Variants in CFAP90 observed in about 807,000 individuals in gnomAD.
CFAP90 encodes cilia- and flagella-associated protein 90.
the CFAP90 span, among the ~76,000 whole-genome samples, chr5:7,833,948 A>G: frequency 0.21 from 32,595 of 152,162 alleles, 3,716 homozygotes; most frequent in Middle Eastern, 0.28. Context: ...TATAAAACAT[A>G]GTACATACAA....
the CFAP90 span, chr5:7,835,646 G>A: frequency 5.2e-6 from 3 of 580,002 alleles, no homozygotes; most frequent in African/African-American, 1.9e-5. Context: ...TCACCAAGCA[G>A]AACCAGCTGT....
chr5:7,844,363 G>C, the CFAP90 span, among the ~76,000 whole-genome samples: 20,058 of 152,224 alleles, frequency 0.13, 1,442 homozygotes, highest in Middle Eastern at 0.18. Context: ...AGCAAATTTT[G>C]TAAGTCGGTG....
the CFAP90 span, among the ~76,000 whole-genome samples, chr5:7,844,322 C>A: frequency 3.3e-5 from 5 of 152,150 alleles, no homozygotes; most frequent in Non-Finnish European, 5.9e-5. Flanking sequence ...AGCAGATAAT[C>A]CAAACCGAAA....
At chr5:7,834,960 C>T in the CFAP90 span, among the ~76,000 whole-genome samples, 32,593 of 152,092 alleles carry the variant, frequency 0.21, 3,724 homozygotes, top group Middle Eastern at 0.28. Context: ...CAAACACACA[C>T]ACACACACGT....
the CFAP90 span, among the ~76,000 whole-genome samples, chr5:7,842,486 A>G: frequency 6.6e-6 from 1 of 151,882 alleles, no homozygotes; most frequent in Non-Finnish European, 1.5e-5. Context: ...TCCAGTAAAT[A>G]CTACTTCTAG....
chr5:7,831,974 T>C, the CFAP90 span: 2 of 1,614,066 alleles, frequency 1.2e-6, no homozygotes, highest in Non-Finnish European at 1.7e-6. Flanking sequence ...AATGGGCTGA[T>C]TGATGCGCTT....
the CFAP90 span, chr5:7,831,950 C>T: frequency 5.0e-5 from 81 of 1,614,010 alleles, no homozygotes; most frequent in Middle Eastern, 1.6e-4. Context: ...GCCAAAGTCC[C>T]GGTTTAGGGG....
chr5:7,834,218 G>A, the CFAP90 span, among the ~76,000 whole-genome samples: 1 of 152,080 alleles, frequency 6.6e-6, no homozygotes, highest in Admixed American at 6.5e-5. Context: ...GGAAGTGGAA[G>A]GCAGTGATAC....
the CFAP90 span, chr5:7,831,863 A>G: frequency 6.2e-7 from 1 of 1,612,762 alleles, no homozygotes; most frequent in South Asian, 1.1e-5. Flanking sequence ...GGATGGAGCA[A>G]TGTGCCCAAA....
the CFAP90 span, among the ~76,000 whole-genome samples, chr5:7,834,870 T>TGA: frequency 6.6e-6 from 1 of 152,096 alleles, no homozygotes; most frequent in African/African-American, 2.4e-5. Context: ...GTACACTCAG[T>TGA]GACAAGATCA....
the CFAP90 span, among the ~76,000 whole-genome samples, chr5:7,841,393 C>A: frequency 6.6e-6 from 1 of 152,174 alleles, no homozygotes; most frequent in Non-Finnish European, 1.5e-5. Flanking sequence ...TAAATGAATT[C>A]AACCATTGTG....
At chr5:7,835,796 C>G in the CFAP90 span, among the ~76,000 whole-genome samples, 1 of 152,218 alleles carries the variant, frequency 6.6e-6, no homozygotes, top group Non-Finnish European at 1.5e-5. Flanking sequence ...AGCTGTCTTG[C>G]TGTCTGACTC....
chr5:7,839,622 A>C, the CFAP90 span, among the ~76,000 whole-genome samples: 1 of 152,242 alleles, frequency 6.6e-6, no homozygotes, highest in Non-Finnish European at 1.5e-5. Context: ...TTCTCATTCT[A>C]ATCAGGTCTC....
At chr5:7,835,761 C>T in the CFAP90 span, among the ~76,000 whole-genome samples, 6 of 152,154 alleles carry the variant, frequency 3.9e-5, no homozygotes, top group South Asian at 2.1e-4. Context: ...CTTTCTCCTC[C>T]CTTGTTGACA....
chr5:7,847,245 G>A, the CFAP90 span, among the ~76,000 whole-genome samples: 1 of 152,184 alleles, frequency 6.6e-6, no homozygotes, highest in East Asian at 1.9e-4. Context: ...GTTGTTTCGA[G>A]GCTGTTTTAA....
chr5:7,846,453 T>C, the CFAP90 span, among the ~76,000 whole-genome samples: 51,506 of 151,900 alleles, frequency 0.34, 8,987 homozygotes, highest in Admixed American at 0.46. Flanking sequence ...GAGGGAGCAT[T>C]TTCTGGTTGC....
the CFAP90 span, chr5:7,831,868 C>A: frequency 3.6e-5 from 58 of 1,613,110 alleles, no homozygotes; most frequent in East Asian, 1.6e-4. Context: ...GAGCAATGTG[C>A]CCAAAGCCGG....
chr5:7,842,776 AC>A, the CFAP90 span, among the ~76,000 whole-genome samples: 8 of 152,168 alleles, frequency 5.3e-5, no homozygotes, highest in African/African-American at 1.9e-4. Flanking sequence ...ATGTTTAACA[AC>A]CCACTTTCTG....
the CFAP90 span, chr5:7,835,399 G>A: frequency 6.3e-7 from 1 of 1,590,696 alleles, no homozygotes. Context: ...TTAACATGAA[G>A]TCCCAGGCTT....
Sources: gnomAD v4.1 joint callset for allele counts (sites outside exome capture counted in the v4.1 genomes callset) on GRCh38, gnomAD v4.1.1 for gene constraint, MANE v1.5 for transcripts, NCBI Gene and HGNC (gene_info 2026-07-23, HGNC 2026-07-21) for gene names.